The following GLT1D1 variants were observed in gnomAD, a reference collection of about 807,000 sequenced individuals.
GLT1D1 encodes glycosyltransferase 1 domain containing 1.
In GLT1D1, 21 loss-of-function variants were observed where a neutral mutation model predicts 28.7. The observed-to-expected ratio is 0.73, with a 90% CI of 0.52 to 1.05. The LOEUF (loss-of-function observed/expected upper bound fraction) is 1.05. GLT1D1 is among the 50% of genes least tolerant of loss of function. The probability of loss-of-function intolerance (pLI) is 0.00; values close to 1 mark genes in which losing one functional copy is unlikely to be tolerated. For synonymous variants in GLT1D1, 147 were observed against 124.8 expected (o/e 1.18, Z -1.19); for missense variants, 343 against 330.6 (o/e 1.04, Z -0.29).
At chr12:128,952,379 A>G (rs1430289236) in intron 6 of GLT1D1, among the ~76,000 whole-genome samples, 1 of 127,904 alleles carries the variant, frequency 7.8e-6, no homozygotes, top group Non-Finnish European at 1.6e-5. Flanking sequence ...ACGTATTTGG[A>G]GATAGAGGTA....
At chr12:128,939,954 T>G (rs1037162819) in intron 4 of GLT1D1, among the ~76,000 whole-genome samples, 3 of 150,630 alleles carry the variant, frequency 2.0e-5, no homozygotes, top group African/African-American at 7.4e-5. Flanking sequence ...CAGACCCCAT[T>G]TTTAATATAT....
At chr12:128,973,312 A>G (rs1593212845) in intron 7 of GLT1D1, among the ~76,000 whole-genome samples, 1 of 139,930 alleles carries the variant, frequency 7.1e-6, no homozygotes, top group African/African-American at 2.7e-5. Flanking sequence ...CCTCCCCAGT[A>G]GCTGGGATTA....
At chr12:128,978,302 T>C (rs946399982) in intron 7 of GLT1D1, among the ~76,000 whole-genome samples, 1 of 152,108 alleles carries the variant, frequency 6.6e-6, no homozygotes, top group Non-Finnish European at 1.5e-5. Context: ...AGTCCTGCTG[T>C]GTAGCTCTCC....
At position 128,899,822 on chromosome 12, in the gene GLT1D1, G is replaced by A. The variant is rs191849466; in HGVS notation, c.375+535G>A. On this transcript the variant is annotated intron_variant, in intron 4 of 7. Transcript: ENST00000281703. ...CCGCCTCAGCATCCCAAAGTGCCGG[G>A]ATTACAGGCATGAGCCACCGAACCT... Among the ~76,000 whole-genome samples the A allele has an allele frequency of 6.6e-5, 10 of 152,212 alleles. No homozygotes were observed. The East Asian group carries it at 1.2e-3, about 18-fold the overall frequency.
Position 128,951,311 on chromosome 12 carries a change from G to C in GLT1D1, c.540+3853G>C, listed in dbSNP as rs138906266. ...CCAGCTACTAGGGTGGCAGAGGCAGGAGAATTGCTGGAACCTGGTAGGCGA... is the reference window on the plus strand; with the variant it reads ...CCAGCTACTAGGGTGGCAGAGGCAGCAGAATTGCTGGAACCTGGTAGGCGA... On this transcript the variant is annotated intron_variant, in intron 6 of 7. Coordinates refer to ENST00000281703, the MANE Select transcript of GLT1D1 (RefSeq NM_144669.3). 1.1e-4 allele frequency among the ~76,000 whole-genome samples: 16 copies of C among 152,304 alleles called. No individual in the cohort carries two copies. In the East Asian group the frequency reaches 3.1e-3, roughly 29 times the overall value.
intron 4 of GLT1D1, among the ~76,000 whole-genome samples, chr12:128,923,778 C>T (rs147652785): frequency 9.7e-4 from 147 of 152,086 alleles, no homozygotes; most frequent in African/African-American, 3.4e-3. Flanking sequence ...CTCCCGCCTC[C>T]CACAATGTTG....
At position 128,927,986 on chromosome 12, in the gene GLT1D1, C is replaced by T. The variant is rs375492026; in HGVS notation, c.376-17340C>T. ...CTGTACTCCAGCCTGGCCGACAGAG[C>T]AAGACTCTGTCTCAAAAAAAAAAAA... On this transcript the variant is annotated intron_variant, in intron 4 of 7. Coordinates refer to ENST00000281703, the MANE Select transcript of GLT1D1 (RefSeq NM_144669.3). Among the ~76,000 whole-genome samples the T allele has an allele frequency of 1.4e-4, 11 of 80,830 alleles. No homozygotes were observed. In the East Asian group the frequency reaches 4.1e-3, roughly 30 times the overall value. The allele number at this position is 80,830 out of a possible 152,430, so 53.0% of individuals were successfully genotyped here. A position where few individuals can be genotyped will look rare whatever the true frequency, so the allele number is the denominator to read the frequency against.
intron 1 of GLT1D1, among the ~76,000 whole-genome samples, chr12:128,864,602 G>A (rs1353799944): frequency 1.3e-5 from 2 of 152,194 alleles, no homozygotes; most frequent in Non-Finnish European, 2.9e-5. Flanking sequence ...TTCATTTCCA[G>A]AAGTCCTTTT....
chr12:128,855,250 C>T (rs1159985984), intron 1 of GLT1D1, among the ~76,000 whole-genome samples: 5 of 124,068 alleles, frequency 4.0e-5, no homozygotes, highest in African/African-American at 1.5e-4. Context: ...AAAACAACAA[C>T]AACAACAAAA....
Position 128,863,097 on chromosome 12 carries a change from A to G in GLT1D1, c.68+9448A>G, listed in dbSNP as rs552867007. ...ACACCTGTGTTGGTCATAGTTTTAC[A>G]TGACATGGGAGCCTTCAGAATGAAG... On this transcript the variant is annotated intron_variant, in intron 1 of 7. Coordinates refer to ENST00000281703, the MANE Select transcript of GLT1D1 (RefSeq NM_144669.3). Among the ~76,000 whole-genome samples the G allele has an allele frequency of 4.9e-4, 75 of 152,288 alleles. 1 individual carries two copies. In the South Asian group the frequency reaches 0.015, roughly 31 times the overall value.
At chr12:128,913,028 A>G (rs774936245) in intron 4 of GLT1D1, among the ~76,000 whole-genome samples, 1 of 152,218 alleles carries the variant, frequency 6.6e-6, no homozygotes, top group Non-Finnish European at 1.5e-5. Flanking sequence ...TGCCAGTAGA[A>G]GTACGATATA....
chr12:128,950,053 G>A (rs934590579), intron 6 of GLT1D1, among the ~76,000 whole-genome samples: 1 of 151,980 alleles, frequency 6.6e-6, no homozygotes, highest in African/African-American at 2.4e-5. Context: ...GTTTCTGAGT[G>A]TGTGTGTGTG....
intron 6 of GLT1D1, among the ~76,000 whole-genome samples, chr12:128,950,854 G>A (rs1876621897): frequency 6.6e-6 from 1 of 152,204 alleles, no homozygotes; most frequent in Non-Finnish European, 1.5e-5. Flanking sequence ...TAGGAGCAGA[G>A]AGTAGAATGG....
At chr12:128,932,997 C>T (rs1320328009) in intron 4 of GLT1D1, among the ~76,000 whole-genome samples, 1 of 152,208 alleles carries the variant, frequency 6.6e-6, no homozygotes, top group Non-Finnish European at 1.5e-5. Context: ...TGGACTCCCC[C>T]GGTCCCACTG....
chr12:128,975,009 T>G (rs1879626642), intron 7 of GLT1D1, among the ~76,000 whole-genome samples: 1 of 150,272 alleles, frequency 6.7e-6, no homozygotes, highest in Non-Finnish European at 1.5e-5. Flanking sequence ...CTTTCTCACC[T>G]GCTGGCTTTC....
rs1400226255 is a variant in GLT1D1 at position 128,873,913 on chromosome 12, CTCTT to C, written c.69-1995_69-1992del. On this transcript the variant is annotated intron_variant, in intron 1 of 7. Transcript: ENST00000281703. ...TCTTGCTCCCTTTCTCTTTCTTTCT[CTCTT>C]TCTTTTTCTTTCTTTCTTTTTCTTT... 3.3e-3 allele frequency among the ~76,000 whole-genome samples: 398 copies of C among 122,398 alleles called. 3 individuals carry two copies. Among genetic ancestry groups the C allele is most frequent in the African/African-American group, 0.011 (374 of 33,276 alleles). The allele number at this position is 122,398 out of a possible 152,430, so 80.3% of individuals were successfully genotyped here.
intron 7 of GLT1D1, among the ~76,000 whole-genome samples, chr12:128,959,986 G>T (rs1274224578): frequency 6.6e-6 from 1 of 152,108 alleles, no homozygotes; most frequent in Non-Finnish European, 1.5e-5. Flanking sequence ...GAGCTGTTTG[G>T]CTCTTCCAAT....
At chr12:128,906,998 G>A (rs969758954) in intron 4 of GLT1D1, 2 of 700,720 alleles carry the variant, frequency 2.9e-6, no homozygotes, top group African/African-American at 3.5e-5. Flanking sequence ...TGGCCTAATC[G>A]GAATGAGCTG....
chr12:128,889,286 T>C (rs1424534369), intron 3 of GLT1D1, among the ~76,000 whole-genome samples: 1 of 152,204 alleles, frequency 6.6e-6, no homozygotes, highest in Non-Finnish European at 1.5e-5. Flanking sequence ...CTGAGCTATA[T>C]ATGCCATTTG....
Sources: gnomAD v4.1 joint callset for allele counts (sites outside exome capture counted in the v4.1 genomes callset) on GRCh38, gnomAD v4.1.1 for gene constraint, MANE v1.5 for transcripts, NCBI Gene and HGNC (gene_info 2026-07-23, HGNC 2026-07-21) for gene names.